TMEM38B: variants seen among roughly 807,000 people sequenced by gnomAD.
TMEM38B encodes trimeric intracellular cation channel type B.
In TMEM38B, 24 loss-of-function variants were observed where a neutral mutation model predicts 28.7. That is an observed-to-expected ratio of 0.84 (90% CI 0.61 to 1.18). The LOEUF (loss-of-function observed/expected upper bound fraction) is 1.18, where lower values mean the gene tolerates loss of function less well. TMEM38B is among the 50% of genes most tolerant of loss of function. The pLI, the probability that TMEM38B is intolerant of heterozygous loss-of-function variation, is 0.00. For synonymous variants in TMEM38B, 131 were observed against 127.7 expected (o/e 1.03, Z -0.17); for missense variants, 380 against 350.9 (o/e 1.08, Z -0.66).
intron 5 of TMEM38B, among the ~76,000 whole-genome samples, chr9:105,751,769 T>A (rs1020193612): frequency 6.6e-6 from 1 of 152,180 alleles, no homozygotes; most frequent in Non-Finnish European, 1.5e-5. Context: ...CTTTGGAGAA[T>A]ACAAACAGTC....
intron 5 of TMEM38B, among the ~76,000 whole-genome samples, chr9:105,768,141 G>A (rs917384635): frequency 1.3e-5 from 2 of 152,012 alleles, no homozygotes; most frequent in Admixed American, 1.3e-4. Context: ...TCATGAATGG[G>A]TGTGGGATTT....
intron 4 of TMEM38B, among the ~76,000 whole-genome samples, chr9:105,742,120 A>G (rs1374421808): frequency 1.0e-5 from 1 of 98,350 alleles, no homozygotes; most frequent in Non-Finnish European, 1.8e-5. Flanking sequence ...ACAGGATTAA[A>G]TGAAAGAAGG....
chr9:105,732,489 G>A (rs1836788149), intron 4 of TMEM38B, among the ~76,000 whole-genome samples: 1 of 152,174 alleles, frequency 6.6e-6, no homozygotes. Context: ...TTTTGTATAA[G>A]GTGTAAGGAA....
intron 1 of TMEM38B, among the ~76,000 whole-genome samples, chr9:105,698,677 C>G (rs995609743): frequency 1.3e-5 from 2 of 151,886 alleles, no homozygotes; most frequent in African/African-American, 4.8e-5. Flanking sequence ...TAGAAATGAG[C>G]CTATTAGGTT....
At chr9:105,746,332 T>C (rs573554736) in intron 4 of TMEM38B, among the ~76,000 whole-genome samples, 1 of 152,322 alleles carries the variant, frequency 6.6e-6, no homozygotes, top group South Asian at 2.1e-4. Flanking sequence ...TTATTCTCTT[T>C]GAAGCAATTG....
At chr9:105,727,458 G>A (rs958841487) in intron 4 of TMEM38B, among the ~76,000 whole-genome samples, 1 of 152,182 alleles carries the variant, frequency 6.6e-6, no homozygotes, top group Non-Finnish European at 1.5e-5. Context: ...ATTTGAAGTG[G>A]TTGGGACCAG....
intron 2 of TMEM38B, among the ~76,000 whole-genome samples, chr9:105,708,447 G>C (rs1017874620): frequency 8.5e-5 from 13 of 152,134 alleles, no homozygotes; most frequent in Admixed American, 3.9e-4. Context: ...GTCCCCTACA[G>C]ATACTGAGGG....
chr9:105,731,848 T>C (rs1014890313), intron 4 of TMEM38B, among the ~76,000 whole-genome samples: 4 of 152,176 alleles, frequency 2.6e-5, no homozygotes, highest in Non-Finnish European at 5.9e-5. Context: ...GGTTAAATGG[T>C]ATTTCTAGTT....
intron 2 of TMEM38B, among the ~76,000 whole-genome samples, chr9:105,708,031 C>A (rs757427729): frequency 8.1e-6 from 1 of 122,768 alleles, no homozygotes; most frequent in Non-Finnish European, 1.7e-5. Context: ...TACTTCTGTT[C>A]CTATAATACT....
intron 5 of TMEM38B, among the ~76,000 whole-genome samples, chr9:105,753,701 A>C (rs1038101492): frequency 6.6e-6 from 1 of 152,222 alleles, no homozygotes; most frequent in South Asian, 2.1e-4. Context: ...ATTACCAGCC[A>C]TTACAAAAAC....
intron 5 of TMEM38B, among the ~76,000 whole-genome samples, chr9:105,757,609 T>C (rs868276483): frequency 7.9e-5 from 12 of 152,166 alleles, no homozygotes; most frequent in African/African-American, 2.7e-4. Flanking sequence ...GAAAAAACAC[T>C]GAGAAGTGTG....
intron 1 of TMEM38B, among the ~76,000 whole-genome samples, chr9:105,703,835 A>G (rs1835544582): frequency 6.6e-6 from 1 of 152,064 alleles, no homozygotes; most frequent in East Asian, 1.9e-4. Flanking sequence ...TTTTGGCTGC[A>G]TAGATGTCTT....
At chr9:105,759,188 A>G in intron 5 of TMEM38B, 1 of 739,006 alleles carries the variant, frequency 1.4e-6, no homozygotes, top group Non-Finnish European at 2.5e-6. Flanking sequence ...ATCTCCTTGA[A>G]CCTCTCCTTA....
intron 2 of TMEM38B, among the ~76,000 whole-genome samples, chr9:105,709,287 C>A (rs1215353693): frequency 1.3e-5 from 2 of 152,034 alleles, no homozygotes; most frequent in Non-Finnish European, 2.9e-5. Flanking sequence ...ACAGTCACTG[C>A]ACAATAAATC....
At chr9:105,716,260 A>AAAAGCTT (rs999065253) in intron 2 of TMEM38B, among the ~76,000 whole-genome samples, 4 of 152,268 alleles carry the variant, frequency 2.6e-5, no homozygotes, top group Non-Finnish European at 4.4e-5. Context: ...GGTCAGTTTC[A>AAAAGCTT]AAAGCTTAAA....
chr9:105,732,640 AG>A (rs1836797760), intron 4 of TMEM38B, among the ~76,000 whole-genome samples: 1 of 143,782 alleles, frequency 7.0e-6, no homozygotes, highest in Non-Finnish European at 1.5e-5. Context: ...GTTATTTCTG[AG>A]GCCTCTGTTC....
At chr9:105,717,659 C>CG (rs1836157165) in intron 2 of TMEM38B, among the ~76,000 whole-genome samples, 1 of 122,570 alleles carries the variant, frequency 8.2e-6, no homozygotes, top group African/African-American at 3.8e-5. Flanking sequence ...GCTAAAACTA[C>CG]ATAAAAAAGC....
chr9:105,753,238 A>G (rs945941535), intron 5 of TMEM38B, among the ~76,000 whole-genome samples: 3 of 152,250 alleles, frequency 2.0e-5, no homozygotes, highest in Non-Finnish European at 4.4e-5. Flanking sequence ...GTTGGAAAAC[A>G]TACTTCAGGA....
At chr9:105,768,715 C>T (rs955697190) in intron 5 of TMEM38B, among the ~76,000 whole-genome samples, 2 of 151,854 alleles carry the variant, frequency 1.3e-5, no homozygotes, top group East Asian at 1.9e-4. Flanking sequence ...TTTTGTTATC[C>T]CTTTAATGTC....
Sources: allele counts gnomAD v4.1 joint callset (sites outside exome capture counted in the v4.1 genomes callset), GRCh38; gene constraint gnomAD v4.1.1; transcripts MANE v1.5; gene names NCBI Gene and HGNC (gene_info 2026-07-23, HGNC 2026-07-21).